ARHGAP44: variants seen among roughly 807,000 people sequenced by gnomAD.
ARHGAP44 encodes the protein rho GTPase-activating protein 44.
Under a neutral mutation model 106.8 loss-of-function variants are expected in ARHGAP44, and 43 were observed. The ratio of observed to expected loss-of-function variants is 0.40; its 90% CI spans 0.32 to 0.52. ARHGAP44 has a LOEUF of 0.52. ARHGAP44 is among the 20% of genes least tolerant of loss of function. The pLI, the probability that ARHGAP44 is intolerant of heterozygous loss-of-function variation, is 0.48. For synonymous variants in ARHGAP44, 439 were observed against 410.3 expected, an observed-to-expected ratio of 1.07 and a Z score of -0.85; for missense variants, 866 against 1,050.5, an observed-to-expected ratio of 0.82 and a Z score of 2.43.
intron 4 of ARHGAP44, among the ~76,000 whole-genome samples, chr17:12,909,951 C>A (rs1478388832): frequency 1.3e-5 from 2 of 152,122 alleles, no homozygotes; most frequent in African/African-American, 4.8e-5. Context: ...GAAAAAAGAT[C>A]ATTACTATAA....
chr17:12,835,824 A>G (rs1316714118), intron 1 of ARHGAP44, among the ~76,000 whole-genome samples: 2 of 152,168 alleles, frequency 1.3e-5, no homozygotes, highest in Non-Finnish European at 2.9e-5. Flanking sequence ...GGCGCCAGTA[A>G]TCACTATTTT....
chr17:12,875,670 G>T (rs938711032), intron 1 of ARHGAP44, among the ~76,000 whole-genome samples: 1 of 152,028 alleles, frequency 6.6e-6, no homozygotes, highest in African/African-American at 2.4e-5. Flanking sequence ...TAGGCTGGGC[G>T]CAGTGGCTCA....
chr17:12,819,524 T>C (rs1020167465), intron 1 of ARHGAP44, among the ~76,000 whole-genome samples: 2 of 151,898 alleles, frequency 1.3e-5, no homozygotes, highest in African/African-American at 2.4e-5. Flanking sequence ...ATATCATCTG[T>C]ACTCCCACCA....
chr17:12,941,166 A>G lies in ARHGAP44; in HGVS notation c.651+42A>G, dbSNP rs56794360. On this transcript the variant is annotated intron_variant, in intron 8 of 20. Transcript: ENST00000379672. The stretch of plus-strand genomic sequence containing the variant: ...GTGAGATTGCTTAAAGGCTGTTCGT[A>G]GGAGAAGGGAATGTGGGCATGGAAT... The G allele has an allele frequency of 2.3e-3, 3,679 of 1,569,918 alleles. 58 individuals are homozygous for G. In the African/African-American group the frequency reaches 0.039, roughly 17 times the overall value.
At chr17:12,874,189 G>A (rs370262905) in intron 1 of ARHGAP44, among the ~76,000 whole-genome samples, 2 of 152,162 alleles carry the variant, frequency 1.3e-5, no homozygotes, top group African/African-American at 4.8e-5. Context: ...AGAGGCTGAC[G>A]GTTGAGTCTT....
intron 1 of ARHGAP44, among the ~76,000 whole-genome samples, chr17:12,809,288 A>G (rs974901499): frequency 6.6e-6 from 1 of 152,190 alleles, no homozygotes; most frequent in African/African-American, 2.4e-5. Context: ...AGGTATCTTT[A>G]CAGCAGAGCC....
chr17:12,812,349 G>A (rs1396877219), intron 1 of ARHGAP44, among the ~76,000 whole-genome samples: 2 of 152,136 alleles, frequency 1.3e-5, no homozygotes, highest in Admixed American at 6.5e-5. Context: ...TCGGAAGGAC[G>A]CATGGGATTT....
At chr17:12,808,881 T>C (rs749015567) in intron 1 of ARHGAP44, among the ~76,000 whole-genome samples, 3 of 152,262 alleles carry the variant, frequency 2.0e-5, no homozygotes, top group Non-Finnish European at 4.4e-5. Flanking sequence ...TCTGCTTCTC[T>C]TTTAAACGTA....
chr17:12,812,578 G>A (rs188325255), intron 1 of ARHGAP44, among the ~76,000 whole-genome samples: 3 of 152,232 alleles, frequency 2.0e-5, no homozygotes, highest in Admixed American at 2.0e-4. Flanking sequence ...TCCAAGACAC[G>A]CTGACAGGGG....
At chr17:12,818,335 G>GA (rs376432420) in intron 1 of ARHGAP44, among the ~76,000 whole-genome samples, 1,217 of 91,654 alleles carry the variant, frequency 0.013, 23 homozygotes, top group East Asian at 0.068. Context: ...ATCTGGAAAA[G>GA]AAAAAAAAAA....
rs1328329314 is a variant in ARHGAP44 at position 12,990,472 on chromosome 17, T to C, written c.*301T>C. The C allele has an allele frequency of 3.1e-6, 1 of 321,014 alleles. No homozygotes were observed. The highest frequency in any genetic ancestry group is 6.1e-6 in the Non-Finnish European group (1 of 162,950). 19.9% of individuals were successfully genotyped at this position (321,014 alleles called of 1,614,324 possible). A position where few individuals can be genotyped will look rare whatever the true frequency, so the allele number is the denominator to read the frequency against. ...ATGCCAGAAAACACCCACCTCTCCA[T>C]CCAAGGCTGGTCAGGAACGTCCTTT... On this transcript the variant is annotated 3_prime_UTR_variant, in exon 21 of 21. Coordinates refer to ENST00000379672, the MANE Select transcript of ARHGAP44 (RefSeq NM_014859.6).
rs146442788 is a variant in ARHGAP44, at chr17:12,888,669, T to A, written c.54-6271T>A. Among the ~76,000 whole-genome samples the A allele has an allele frequency of 4.7e-3, 723 of 152,320 alleles. 5 individuals are homozygous for A. Among genetic ancestry groups the A allele is most frequent in the African/African-American group, 0.017 (694 of 41,582 alleles). On this transcript the variant is annotated intron_variant, in intron 1 of 20. Coordinates refer to ENST00000379672, the MANE Select transcript of ARHGAP44 (RefSeq NM_014859.6). ...ATTTTTAAAATTTAGTTCTATTAAT[T>A]ATTGAGAGAGAAGGTGTTGAAGTTT...
At chr17:12,970,235 A>G (rs2039491284) in intron 16 of ARHGAP44, among the ~76,000 whole-genome samples, 1 of 151,954 alleles carries the variant, frequency 6.6e-6, no homozygotes, top group Admixed American at 6.6e-5. Flanking sequence ...ATGTGGTGGC[A>G]TGTGCCTGTA....
intron 16 of ARHGAP44, among the ~76,000 whole-genome samples, chr17:12,968,706 AT>A (rs1434760210): frequency 6.8e-6 from 1 of 148,102 alleles, no homozygotes; most frequent in Non-Finnish European, 1.5e-5. Flanking sequence ...TCCAGTCCTC[AT>A]TTTTTTCCAG....
At chr17:12,947,573 C>T (rs2038887021) in intron 10 of ARHGAP44, among the ~76,000 whole-genome samples, 1 of 152,222 alleles carries the variant, frequency 6.6e-6, no homozygotes, top group Admixed American at 6.5e-5. Flanking sequence ...ACACTTTCCT[C>T]TAACACCCCC....
At chr17:12,799,999 A>C (rs1181688650) in intron 1 of ARHGAP44, among the ~76,000 whole-genome samples, 1 of 152,150 alleles carries the variant, frequency 6.6e-6, no homozygotes, top group Non-Finnish European at 1.5e-5. Flanking sequence ...AACAGAAACT[A>C]TCCTACTGTA....
rs1440431401 is a variant in ARHGAP44, at chr17:12,991,605, T to C, written c.*1434T>C. On this transcript the variant is annotated 3_prime_UTR_variant, in exon 21 of 21. Coordinates refer to ENST00000379672, the MANE Select transcript of ARHGAP44 (RefSeq NM_014859.6). ...CTTTAAATACATGTACAAATCGTTGTCAAAAGTAACGTTATTAAAATAGAT... is the reference window on the plus strand; with the variant it reads ...CTTTAAATACATGTACAAATCGTTGCCAAAAGTAACGTTATTAAAATAGAT... The C allele has an allele frequency of 1.1e-5, 2 of 182,148 alleles. No homozygotes were observed. The highest frequency in any genetic ancestry group is 2.4e-5 in the African/African-American group (1 of 42,408). The allele number at this position is 182,148 out of a possible 1,614,324, so 11.3% of individuals were successfully genotyped here. A position where few individuals can be genotyped will look rare whatever the true frequency, so the allele number is the denominator to read the frequency against.
intron 6 of ARHGAP44, 27 bp downstream of exon 6, chr17:12,919,858 C>A: frequency 6.3e-7 from 1 of 1,593,764 alleles, no homozygotes; most frequent in Non-Finnish European, 8.6e-7. Context: ...TTCTTTTTTG[C>A]TTCTTTGAAG....
rs1555564139 is a variant in ARHGAP44 at position 12,962,080 on chromosome 17, A to AAAAT, written c.1523+3184_1523+3185insAATA. ...AAGGTTTTTGGCCAAGTTAAAAAAA[A>AAAAT]ATATATATATATATGAATTATATAT... On this transcript the variant is annotated intron_variant, in intron 16 of 20. Transcript: ENST00000379672. 1.2e-3 allele frequency among the ~76,000 whole-genome samples: 178 copies of AAAAT among 150,500 alleles called. 2 individuals carry two copies. In the East Asian group the frequency reaches 0.024, roughly 20 times the overall value.
Sources: gnomAD v4.1 joint callset for allele counts (sites outside exome capture counted in the v4.1 genomes callset) on GRCh38, gnomAD v4.1.1 for gene constraint, MANE v1.5 for transcripts, NCBI Gene and HGNC (gene_info 2026-07-23, HGNC 2026-07-21) for gene names.